Variants in MUC5B observed in about 807,000 individuals in gnomAD.
The protein encoded by MUC5B is mucin-5B.
In MUC5B, 116 loss-of-function variants were observed where a neutral mutation model predicts 376.9. The ratio of observed to expected loss-of-function variants is 0.31; its 90% CI spans 0.26 to 0.36. The LOEUF is 0.36. Among genes scored for constraint, MUC5B ranks in the 10% least tolerant of loss-of-function variants. The pLI is 1.00. For missense variants in MUC5B, 7,165 were observed against 7,769.9 expected (o/e 0.92, Z 2.93); for synonymous variants, 3,517 against 3,390.9 (o/e 1.04, Z -1.29).
rs1305414968 is a variant in MUC5B at position 1,232,757 on chromosome 11, G to T, written c.2052G>T (p.Arg684Ser). The stretch of plus-strand genomic sequence containing the variant: ...AGGGCGTACAGCTCAGCGACTGGAG[G>T]GACGGCGTCTGCAGTGAGTGCCCAC... ...AAKGVQLSDW[R>S]DGVCTKYMQN... Residue 684 changes from arginine (R) to serine (S), a missense_variant, in exon 17 of 49, where the codon AGG becomes AGT. Coordinates refer to ENST00000529681, the MANE Select transcript of MUC5B (RefSeq NM_002458.3). The T allele has an allele frequency of 6.3e-7, 1 of 1,594,902 alleles. No homozygotes were observed.
At position 1,243,416 on chromosome 11, in the gene MUC5B, C is replaced by T. The variant is rs1346651795; in HGVS notation, c.6536C>T (p.Ser2179Phe). The change falls in exon 31 of 49, where the codon TCC becomes TTC. Residue 2179 changes from serine (S) to phenylalanine (F), a missense_variant. Transcript: ENST00000529681. Reference protein sequence around the residue: ...PAATSNTVTPSSALGTTHTPP... With the variant: ...PAATSNTVTPFSALGTTHTPP... ...GCCACCAGCAACACAGTGACTCCCT[C>T]CTCTGCCCTAGGGACCACCCACACA... 2 of 1,509,218 alleles carry T rather than the reference C, an allele frequency of 1.3e-6. No individual in the cohort carries two copies. The highest frequency in any genetic ancestry group is 1.8e-6 in the Non-Finnish European group (2 of 1,110,520). The allele number at this position is 1,509,218 out of a possible 1,614,324, so 93.5% of individuals were successfully genotyped here.
chr11:1,257,101 T>A lies in MUC5B; in HGVS notation c.16238-139T>A. ...TGCCCTGGCCTGAGCTCCAGCCACA[T>A]CTGACACCCCAAAAGTTCTCCAGGG... On this transcript the variant is annotated intron_variant, in intron 39 of 48. Transcript: ENST00000529681. This position sits in a 1 kb window ranked among gnomAD's most constrained non-coding sequence, Gnocchi z 8.9. The A allele has an allele frequency of 2.9e-6, 2 of 685,378 alleles. No homozygotes were observed. The highest frequency in any genetic ancestry group is 5.4e-6 in the Non-Finnish European group (2 of 368,030). 42.5% of individuals were successfully genotyped at this position (685,378 alleles called of 1,614,324 possible).
rs555192718 is a variant in MUC5B at position 1,260,228 on chromosome 11, C to A, written c.16924-123C>A. 2.2e-5 allele frequency: 29 copies of A among 1,346,438 alleles called. No homozygotes were observed. In the South Asian group the frequency reaches 3.7e-4, roughly 17 times the overall value. The allele number at this position is 1,346,438 out of a possible 1,614,324, so 83.4% of individuals were successfully genotyped here. On this transcript the variant is annotated intron_variant, in intron 46 of 48. Coordinates refer to ENST00000529681, the MANE Select transcript of MUC5B (RefSeq NM_002458.3). ...CCTGCCTGGGAAGCCCCACCCCTGC[C>A]TGGGAGGCCCCGCCCCTGCCCGGGA... is the stretch of plus-strand genomic sequence containing the variant.
At position 1,242,768 on chromosome 11, in the gene MUC5B, C is replaced by A. The variant is rs1590178155; in HGVS notation, c.5888C>A (p.Thr1963Asn). The part of the protein sequence containing the change: ...ATPSSSPGTA[T>N]ALPALRSTAT... Reference sequence around the variant, plus strand: ...CCCTCCTCCAGTCCAGGGACTGCAACCGCCCTTCCAGCACTGAGAAGCACA... The same window carrying A: ...CCCTCCTCCAGTCCAGGGACTGCAAACGCCCTTCCAGCACTGAGAAGCACA... Residue 1963 changes from threonine to asparagine, a missense_variant, in exon 31 of 49, where the codon ACC becomes AAC. Transcript: ENST00000529681. 1 of 1,612,820 alleles carries A rather than the reference C, an allele frequency of 6.2e-7. No homozygotes were observed. The highest frequency in any genetic ancestry group is 8.5e-7 in the Non-Finnish European group (1 of 1,179,464).
At position 1,252,646 on chromosome 11, in the gene MUC5B, T is replaced by C. The variant is rs1173847412; in HGVS notation, c.15045+122T>C. ...TGACCCCGCCGCCAGTATCTCCAGTTGGAGGAGGCACACAGGGCCTAGGGG... is the reference window on the plus strand; with the variant it reads ...TGACCCCGCCGCCAGTATCTCCAGTCGGAGGAGGCACACAGGGCCTAGGGG... On this transcript the variant is annotated intron_variant, in intron 32 of 48. Transcript: ENST00000529681. The C allele has an allele frequency of 2.9e-6, 4 of 1,371,368 alleles. No homozygotes were observed. In the East Asian group the frequency reaches 7.6e-5, roughly 26 times the overall value. 84.9% of individuals were successfully genotyped at this position (1,371,368 alleles called of 1,614,324 possible). A position where few individuals can be genotyped will look rare whatever the true frequency, so the allele number is the denominator to read the frequency against.
chr11:1,229,034 T>C, intron 8 of MUC5B, 136 bp from the exon 9 acceptor site: 1 of 1,120,508 alleles, frequency 8.9e-7, no homozygotes, highest in Non-Finnish European at 1.2e-6. Flanking sequence ...ATGAGGGGCG[T>C]CAGGGCCACC....
Position 1,257,964 on chromosome 11 carries a change from G to A in MUC5B, c.16451-135G>A. On this transcript the variant is annotated intron_variant, in intron 41 of 48. Transcript: ENST00000529681. The surrounding 1 kb of genome is among the most constrained non-coding windows in gnomAD (Gnocchi z 8.9). ...GCAGCGGGGAGGTGGCCAAGCAAGG[G>A]GCCTGGAGGGAGCCCCCAGGGGCTG... The A allele has an allele frequency of 2.0e-6, 2 of 993,394 alleles. No homozygotes were observed. Among genetic ancestry groups the A allele is most frequent in the Non-Finnish European group, 3.0e-6 (2 of 669,054 alleles). The allele number at this position is 993,394 out of a possible 1,614,324, so 61.5% of individuals were successfully genotyped here.
At chr11:1,224,240 C>T (rs1276098619) in intron 1 of MUC5B, among the ~76,000 whole-genome samples, 4 of 152,182 alleles carry the variant, frequency 2.6e-5, no homozygotes, top group African/African-American at 9.6e-5. Context: ...GAGATCAAGC[C>T]CTTGGCAGGG....
rs201939473 is a variant in MUC5B at position 1,240,830 on chromosome 11, C to T, written c.3971-21C>T. On this transcript the variant is annotated intron_variant, in intron 30 of 48. Transcript: ENST00000529681. The stretch of plus-strand genomic sequence containing the variant: ...GACTGGAGGATGCTGAGCCAGGACC[C>T]CTTTCCCATGCCCCTTGCAGGCCCG... 6.4e-4 allele frequency: 1,018 copies of T among 1,587,712 alleles called. 7 individuals are homozygous for T. Among genetic ancestry groups the T allele is most frequent in the Middle Eastern group, 3.1e-3 (14 of 4,462 alleles).
Position 1,238,955 on chromosome 11 carries a change from G to A in MUC5B, c.3382G>A (p.Ala1128Thr), listed in dbSNP as rs1250010209. 2 of 1,575,778 alleles carry A rather than the reference G, an allele frequency of 1.3e-6. No homozygotes were observed. Among genetic ancestry groups the A allele is most frequent in the South Asian group, 1.2e-5 (1 of 86,062 alleles). Residue 1128 changes from alanine (A) to threonine (T), a missense_variant, in exon 26 of 49, where the codon GCT becomes ACT. This residue lies in a region of MUC5B where 143 missense variants were observed against 193.2 expected (regional missense o/e 0.74). Transcript: ENST00000529681. ...TGGCGACTGCGAGTGTTTCTGCACGGCTGTGGCTGCCTACGCCCAGGCCTG... is the reference window on the plus strand; with the variant it reads ...TGGCGACTGCGAGTGTTTCTGCACGACTGTGGCTGCCTACGCCCAGGCCTG... ...SGGDCECFCT[A>T]VAAYAQACHD...
rs1423538858 is a variant in MUC5B, at chr11:1,245,802, C to T, written c.8922C>T (p.Thr2974=). 1 of 1,613,278 alleles carries T rather than the reference C, an allele frequency of 6.2e-7. No homozygotes were observed. The highest frequency in any genetic ancestry group is 2.2e-5 in the East Asian group (1 of 44,862). Residue 2974 remains threonine (T), a synonymous_variant, in exon 31 of 49, where the codon ACC becomes ACT. Coordinates refer to ENST00000529681, the MANE Select transcript of MUC5B (RefSeq NM_002458.3). ...FCCNYGHCPS[T]PATSSTATPS... is the part of the protein sequence containing the mutation. Reference sequence around the variant, plus strand: ...GCAACTACGGCCACTGCCCCAGCACCCCGGCCACCAGCTCTACGGCCACGC... The same window carrying T: ...GCAACTACGGCCACTGCCCCAGCACTCCGGCCACCAGCTCTACGGCCACGC...
Position 1,245,139 on chromosome 11 carries a change from C to A in MUC5B, c.8259C>A (p.Thr2753=). 1 of 1,550,154 alleles carries A rather than the reference C, an allele frequency of 6.5e-7. No homozygotes were observed. Among genetic ancestry groups the A allele is most frequent in the Non-Finnish European group, 8.7e-7 (1 of 1,145,594 alleles). The change falls in exon 31 of 49, where the codon ACC becomes ACA. Residue 2753 remains threonine, a synonymous_variant. Transcript: ENST00000529681. The stretch of plus-strand genomic sequence containing the variant: ...CCCCAGTGCCGAACACCACGGCCAC[C>A]ACACACGGGCGATCCCTGTCCCCCA... The part of the protein sequence containing the change: ...HTPPVPNTTA[T]THGRSLSPSS...
chr11:1,230,993 C>T lies in MUC5B; in HGVS notation c.1528C>T (p.Pro510Ser). The change falls in exon 13 of 49, where the codon CCC becomes TCC. Residue 510 changes from proline to serine, a missense_variant. Pro to Ser is a moderately conservative substitution (Grantham distance 74). Coordinates refer to ENST00000529681, the MANE Select transcript of MUC5B (RefSeq NM_002458.3). The stretch of plus-strand genomic sequence containing the variant: ...CCTCAACTCCATCTACACGCAGCTG[C>T]CCCTGTCGGCAGGTATGTGGCTCTC... ...VFLNSIYTQL[P>S]LSAANITLFT... 1 of 1,594,942 alleles carries T rather than the reference C, an allele frequency of 6.3e-7. No homozygotes were observed. The highest frequency in any genetic ancestry group is 8.5e-7 in the Non-Finnish European group (1 of 1,171,986).
At chr11:1,235,034 A>G in intron 21 of MUC5B, 51 bp from the exon 22 acceptor site, 1 of 1,566,576 alleles carries the variant, frequency 6.4e-7, no homozygotes, top group East Asian at 2.3e-5. Context: ...GGTCTCAGGA[A>G]GGCCGGGAGA....
chr11:1,251,222 C>T lies in MUC5B; in HGVS notation c.14342C>T (p.Ser4781Phe), dbSNP rs777742154. The T allele has an allele frequency of 2.5e-6, 4 of 1,611,454 alleles. 1 individual carries two copies. The highest frequency in any genetic ancestry group is 3.4e-6 in the Non-Finnish European group (4 of 1,178,268). ...PMSTMSTIHT[S>F]STPETTHTST... The stretch of plus-strand genomic sequence containing the variant: ...TCCACCATGTCCACAATCCACACCT[C>T]CTCTACTCCAGAGACCACCCACACC... Residue 4781 changes from serine to phenylalanine, a missense_variant, in exon 31 of 49, where the codon TCC (serine) becomes TTC (phenylalanine). Coordinates refer to ENST00000529681, the MANE Select transcript of MUC5B (RefSeq NM_002458.3).
At chr11:1,256,461 GAGCCCCACCCATCCC>G in intron 38 of MUC5B, 195 bp from the exon 39 acceptor site, 1 of 298,698 alleles carries the variant, frequency 3.3e-6, no homozygotes, top group Non-Finnish European at 6.0e-6. Flanking sequence ...CCCCGCCACC[GAGCCCCACCCATCCC>G]CGCCCATACT....
intron 31 of MUC5B, 136 bp downstream of exon 31, chr11:1,251,879 G>A (rs951721894): frequency 9.0e-5 from 61 of 679,604 alleles, no homozygotes; most frequent in African/African-American, 4.5e-4. Context: ...GGCCCCTCCC[G>A]GCCACACTGG....
In MUC5B at chr11:1,258,932, C is replaced by T; in HGVS notation, c.16594-10C>T. 1.3e-6 allele frequency: 2 copies of T among 1,550,654 alleles called. No individual in the cohort carries two copies. Among genetic ancestry groups the T allele is most frequent in the South Asian group, 1.2e-5 (1 of 84,090 alleles). On this transcript the variant is annotated splice_polypyrimidine_tract_variant and intron_variant, in intron 43 of 48. Coordinates refer to ENST00000529681, the MANE Select transcript of MUC5B (RefSeq NM_002458.3). The surrounding 1 kb of genome is among the most constrained non-coding windows in gnomAD (Gnocchi z 5.5). ...CAGTGCCCTCAGTGCCACCCTCCCA[C>T]CCCTTGCAGGTTGGTGCAACCTTCC...
intron 8 of MUC5B, 55 bp from the exon 9 acceptor site, chr11:1,229,115 C>G: frequency 6.7e-7 from 1 of 1,485,034 alleles, no homozygotes; most frequent in Non-Finnish European, 8.9e-7. Context: ...TGGGGCTGAC[C>G]ACACGGGCAG....
Sources: gnomAD v4.1 joint callset for allele counts (sites outside exome capture counted in the v4.1 genomes callset) on GRCh38, gnomAD v4.1.1 for gene constraint, gnomAD v4.1.1 regional missense constraint, Gnocchi (gnomAD v3.1) non-coding constraint, MANE v1.5 for transcripts, NCBI Gene and HGNC (gene_info 2026-07-23, HGNC 2026-07-21) for gene names.